Variants in POLR3F observed in about 807,000 individuals in gnomAD.
POLR3F encodes DNA-directed RNA polymerase III subunit RPC6.
POLR3F carries 31 observed loss-of-function variants against 43.6 expected under a neutral mutation model. That is an observed-to-expected ratio of 0.71 (90% CI 0.53 to 0.96). The LOEUF (loss-of-function observed/expected upper bound fraction) is 0.96, where lower values mean the gene tolerates loss of function less well. Ranked by LOEUF, POLR3F falls within the 40% of genes least tolerant of loss-of-function variation. The probability of loss-of-function intolerance (pLI) is 0.00; values close to 1 mark genes in which losing one functional copy is unlikely to be tolerated. For synonymous variants in POLR3F, 114 were observed against 132.5 expected (o/e 0.86, Z 0.96); for missense variants, 316 against 391.7 (o/e 0.81, Z 1.63).
chr20:18,475,426 G>A (rs1472783425), intron 5 of POLR3F, among the ~76,000 whole-genome samples: 3 of 152,182 alleles, frequency 2.0e-5, no homozygotes, highest in African/African-American at 7.2e-5. Context: ...TTGGAACTGT[G>A]AACATTTTTC....
At chr20:18,479,149 A>T (rs2059795840) in intron 5 of POLR3F, among the ~76,000 whole-genome samples, 1 of 151,986 alleles carries the variant, frequency 6.6e-6, no homozygotes, top group South Asian at 2.1e-4. Context: ...TCCGTTTCAA[A>T]AAAAAAAAGA....
chr20:18,483,619 T>A lies in POLR3F; in HGVS notation c.*61T>A. 1 of 682,458 alleles carries A rather than the reference T, an allele frequency of 1.5e-6. No individual in the cohort carries two copies. Among genetic ancestry groups the A allele is most frequent in the Non-Finnish European group, 2.5e-6 (1 of 403,708 alleles). 42.3% of individuals were successfully genotyped at this position (682,458 alleles called of 1,614,324 possible). On this transcript the variant is annotated 3_prime_UTR_variant, in exon 9 of 9. Transcript: ENST00000377603. ...GAAGTTACTTAGGGAGCAGATAATT[T>A]AATTCATGATGGAACACGAAATCTC... is the stretch of plus-strand genomic sequence containing the variant.
chr20:18,477,767 C>G (rs920082615), intron 5 of POLR3F, among the ~76,000 whole-genome samples: 1 of 152,090 alleles, frequency 6.6e-6, no homozygotes, highest in African/African-American at 2.4e-5. Context: ...GGGGTGAGGG[C>G]AGGGATGGTA....
chr20:18,479,548 A>G lies in POLR3F; in HGVS notation c.430-490A>G, dbSNP rs150547904. On this transcript the variant is annotated intron_variant, in intron 5 of 8. Coordinates refer to ENST00000377603, the MANE Select transcript of POLR3F (RefSeq NM_006466.4). ...ACACACACACGATGGGAGCATAGCA[A>G]AGGGATACAGGAACCAAGTGAAAAG... Among the ~76,000 whole-genome samples, 555 of 152,332 alleles carry G rather than the reference A, an allele frequency of 3.6e-3. 1 individual carries two copies. The highest frequency in any genetic ancestry group is 0.01 in the Middle Eastern group (3 of 294).
At position 18,475,102 on chromosome 20, in the gene POLR3F, A is replaced by G. The variant is rs1281050376; in HGVS notation, c.344A>G (p.Lys115Arg). The change falls in exon 5 of 9, where the codon AAA (lysine) becomes AGA (arginine). Residue 115 changes from lysine to arginine, a missense_variant. Transcript: ENST00000377603. The part of the protein sequence containing the change: ...KGIWSRDIRY[K>R]SNLPLTEINK... The stretch of plus-strand genomic sequence containing the variant: ...ATATGGAGCAGAGATATCCGCTATA[A>G]AAGTAATTTGCCATTAACAGAAATC... 6.7e-7 allele frequency: 1 copy of G among 1,490,448 alleles called. No homozygotes were observed. Among genetic ancestry groups the G allele is most frequent in the South Asian group, 1.1e-5 (1 of 87,818 alleles). The allele number at this position is 1,490,448 out of a possible 1,614,324, so 92.3% of individuals were successfully genotyped here.
At position 18,480,525 on chromosome 20, in the gene POLR3F, C is replaced by G; in HGVS notation, c.681+16C>G. 7.3e-7 allele frequency: 1 copy of G among 1,372,578 alleles called. No individual in the cohort carries two copies. The highest frequency in any genetic ancestry group is 1.0e-6 in the Non-Finnish European group (1 of 963,374). 85.0% of individuals were successfully genotyped at this position (1,372,578 alleles called of 1,614,324 possible). A position where few individuals can be genotyped will look rare whatever the true frequency, so the allele number is the denominator to read the frequency against. On this transcript the variant is annotated intron_variant, in intron 7 of 8. Coordinates refer to ENST00000377603, the MANE Select transcript of POLR3F (RefSeq NM_006466.4). Reference sequence around the variant, plus strand: ...AATCAGTAAGGTCAGAACTGAATTTCATCTTATTTTTTAAAACTTATTCTT... The same window carrying G: ...AATCAGTAAGGTCAGAACTGAATTTGATCTTATTTTTTAAAACTTATTCTT...
chr20:18,467,437 C>A lies in POLR3F; in HGVS notation c.-70C>A. On this transcript the variant is annotated 5_prime_UTR_variant, in exon 1 of 9. Coordinates refer to ENST00000377603, the MANE Select transcript of POLR3F (RefSeq NM_006466.4). Reference sequence around the variant, plus strand: ...CAGAGCGCTATCCTCCACTGGTTCCCCGGGTTCCCCGGCTTGCTACCGGGC... The same window carrying A: ...CAGAGCGCTATCCTCCACTGGTTCCACGGGTTCCCCGGCTTGCTACCGGGC... The A allele has an allele frequency of 3.2e-6, 5 of 1,569,308 alleles. No individual in the cohort carries two copies. The highest frequency in any genetic ancestry group is 4.4e-6 in the Non-Finnish European group (5 of 1,139,548).
In POLR3F at chr20:18,473,746, T is replaced by C. The variant is rs538733265; in HGVS notation, c.316+288T>C. ...TCAAAATAAATAAAATTTAAGTTTT[T>C]TTTTTAAATCTGTACCTTCTAGCTA... is the stretch of plus-strand genomic sequence containing the variant. On this transcript the variant is annotated intron_variant, in intron 4 of 8. Transcript: ENST00000377603. Among the ~76,000 whole-genome samples, 25 of 152,334 alleles carry C rather than the reference T, an allele frequency of 1.6e-4. 1 individual carries two copies. In the South Asian group the frequency reaches 2.1e-3, roughly 13 times the overall value.
chr20:18,481,531 G>A lies in POLR3F; in HGVS notation c.682-88G>A, dbSNP rs146840575. 1.5e-3 allele frequency: 1,359 copies of A among 892,586 alleles called. 10 individuals carry two copies. The Middle Eastern group carries it at 0.025, about 16-fold the overall frequency. 55.3% of individuals were successfully genotyped at this position (892,586 alleles called of 1,614,324 possible). A position where few individuals can be genotyped will look rare whatever the true frequency, so the allele number is the denominator to read the frequency against. ...TGGGATTACAGGCGTGAGCCACTGC[G>A]CCCAGCAACCCTTTACTGTTTTTAA... On this transcript the variant is annotated intron_variant, in intron 7 of 8. Transcript: ENST00000377603.
chr20:18,484,398 G>A lies in POLR3F; in HGVS notation c.*840G>A, dbSNP rs2059827185. The A allele has an allele frequency of 2.9e-6, 1 of 339,492 alleles. No individual in the cohort carries two copies. The highest frequency in any genetic ancestry group is 4.9e-5 in the Admixed American group (1 of 20,604). The allele number at this position is 339,492 out of a possible 1,614,324, so 21.0% of individuals were successfully genotyped here. A position where few individuals can be genotyped will look rare whatever the true frequency, so the allele number is the denominator to read the frequency against. The stretch of plus-strand genomic sequence containing the variant: ...TTGAAATCTCATTTCCAATGTGATG[G>A]TATTTGGAGGTGGGGCTTTTGGTAA... On this transcript the variant is annotated 3_prime_UTR_variant, in exon 9 of 9. Coordinates refer to ENST00000377603, the MANE Select transcript of POLR3F (RefSeq NM_006466.4).
intron 5 of POLR3F, among the ~76,000 whole-genome samples, chr20:18,479,166 A>C (rs1197040599): frequency 6.6e-6 from 1 of 151,290 alleles, no homozygotes; most frequent in Non-Finnish European, 1.5e-5. Flanking sequence ...AAGAAAAGAA[A>C]ATGCTCTTGA....
intron 2 of POLR3F, chr20:18,469,286 C>T: frequency 2.0e-6 from 1 of 488,402 alleles, no homozygotes; most frequent in Non-Finnish European, 3.7e-6. Flanking sequence ...GTTGGGTGAG[C>T]ATCATCCAAT....
Position 18,467,486 on chromosome 20 carries a change from G to T in POLR3F, c.-21G>T. ...GCTGCTCCGTGCATCTTTCCCCCCAGGCGTCAGGAACTGCGCCCTCATGGC... is the reference window on the plus strand; with the variant it reads ...GCTGCTCCGTGCATCTTTCCCCCCATGCGTCAGGAACTGCGCCCTCATGGC... On this transcript the variant is annotated 5_prime_UTR_variant, in exon 1 of 9. The change creates a new upstream start codon in the 5' untranslated region. Coordinates refer to ENST00000377603, the MANE Select transcript of POLR3F (RefSeq NM_006466.4). 6.2e-7 allele frequency: 1 copy of T among 1,614,084 alleles called. No individual in the cohort carries two copies. The highest frequency in any genetic ancestry group is 8.5e-7 in the Non-Finnish European group (1 of 1,179,928).
At chr20:18,475,291 A>C (rs1336586627) in intron 5 of POLR3F, 104 bp downstream of exon 5, 1 of 551,724 alleles carries the variant, frequency 1.8e-6, no homozygotes, top group Non-Finnish European at 3.3e-6. Flanking sequence ...AAGACTTAAA[A>C]ATTTAGCTCA....
At chr20:18,472,945 T>C in intron 3 of POLR3F, 36 bp downstream of exon 3, 1 of 972,886 alleles carries the variant, frequency 1.0e-6, no homozygotes, top group Non-Finnish European at 1.6e-6. Context: ...AGAAAATGTT[T>C]ATTATTTGCA....
chr20:18,475,120 C>A lies in POLR3F; in HGVS notation c.362C>A (p.Thr121Lys). ...CGCTATAAAAGTAATTTGCCATTAA[C>A]AGAAATCAACAAAATTCTGAAGAAT... Reference protein sequence around the residue: ...DIRYKSNLPLTEINKILKNLE... With the variant: ...DIRYKSNLPLKEINKILKNLE... The change falls in exon 5 of 9, where the codon ACA (threonine) becomes AAA (lysine). Residue 121 changes from threonine (T) to lysine (K), a missense_variant. Thr to Lys is a moderately conservative substitution (Grantham distance 78, BLOSUM62 -1). Coordinates refer to ENST00000377603, the MANE Select transcript of POLR3F (RefSeq NM_006466.4). 1 of 1,550,522 alleles carries A rather than the reference C, an allele frequency of 6.4e-7. No homozygotes were observed. Among genetic ancestry groups the A allele is most frequent in the Non-Finnish European group, 8.9e-7 (1 of 1,122,940 alleles).
chr20:18,477,846 C>T (rs916333310), intron 5 of POLR3F, among the ~76,000 whole-genome samples: 2 of 152,144 alleles, frequency 1.3e-5, no homozygotes, highest in Non-Finnish European at 2.9e-5. Context: ...ATGACAGAAG[C>T]ATTAACCAAA....
chr20:18,483,199 G>C (rs967153098), intron 8 of POLR3F, among the ~76,000 whole-genome samples: 2 of 152,058 alleles, frequency 1.3e-5, no homozygotes, highest in African/African-American at 4.8e-5. Context: ...CGAGTAGCTG[G>C]GATTACAGGT....
In POLR3F at chr20:18,475,120, CAG is replaced by C; in HGVS notation, c.364_365del (p.Glu122AsnfsTer11). ...CGCTATAAAAGTAATTTGCCATTAA[CAG>C]AAATCAACAAAATTCTGAAGAATCT... On this transcript the variant is annotated frameshift_variant, in exon 5 of 9. Transcript: ENST00000377603. LOFTEE classifies it high-confidence loss of function. The C allele has an allele frequency of 6.4e-7, 1 of 1,550,526 alleles. No individual in the cohort carries two copies. The highest frequency in any genetic ancestry group is 8.9e-7 in the Non-Finnish European group (1 of 1,122,944).
Sources: gnomAD v4.1 joint callset for allele counts (sites outside exome capture counted in the v4.1 genomes callset) on GRCh38, gnomAD v4.1.1 for gene constraint, MANE v1.5 for transcripts, NCBI Gene and HGNC (gene_info 2026-07-23, HGNC 2026-07-21) for gene names.